The following FBXL20 variants were observed in gnomAD, a reference collection of about 807,000 sequenced individuals.
The protein encoded by FBXL20 is F-box/LRR-repeat protein 20.
FBXL20 carries 11 observed loss-of-function variants against 64.0 expected under a neutral mutation model. The ratio of observed to expected loss-of-function variants is 0.17; its 90% CI spans 0.11 to 0.28. FBXL20 has a LOEUF of 0.28. Ranked by LOEUF, FBXL20 falls within the 10% of genes least tolerant of loss-of-function variation. The pLI, the probability that FBXL20 is intolerant of heterozygous loss-of-function variation, is 1.00. For missense variants in FBXL20, 303 were observed against 526.2 expected (o/e 0.58, Z 4.15); for synonymous variants, 184 against 189.0 (o/e 0.97, Z 0.22).
chr17:39,365,994 A>AT (rs1161512986), intron 1 of FBXL20, among the ~76,000 whole-genome samples: 23 of 152,278 alleles, frequency 1.5e-4, no homozygotes, highest in African/African-American at 5.3e-4. Flanking sequence ...GGAATTTAAA[A>AT]AAATTTTTTT....
Position 39,316,233 on chromosome 17 carries a change from T to C in FBXL20, c.105-12594A>G, listed in dbSNP as rs1460571306. ...GTATTAATAGAAACATAGTTATCAA[T>C]ATATACAGATATAAACATACATGTA... On this transcript the variant is annotated intron_variant, in intron 2 of 14. Transcript: ENST00000264658. 3.3e-5 allele frequency among the ~76,000 whole-genome samples: 5 copies of C among 152,140 alleles called. No individual in the cohort carries two copies. In the East Asian group the frequency reaches 9.6e-4, roughly 29 times the overall value.
At chr17:39,358,996 C>T (rs1369165362) in intron 1 of FBXL20, among the ~76,000 whole-genome samples, 1 of 152,084 alleles carries the variant, frequency 6.6e-6, no homozygotes, top group Non-Finnish European at 1.5e-5. Context: ...CAAATCAAAA[C>T]CACAAGATAC....
chr17:39,402,128 C>G, upstream of FBXL20: 1 of 1,231,332 alleles, frequency 8.1e-7, no homozygotes, highest in Non-Finnish European at 1.0e-6. Flanking sequence ...CTGTAAGGCA[C>G]CCGCATCCTT....
intron 2 of FBXL20, among the ~76,000 whole-genome samples, chr17:39,317,637 G>C (rs2047306293): frequency 6.7e-6 from 1 of 148,740 alleles, no homozygotes. Context: ...AAAGGCCCCA[G>C]ATACATGTAG....
chr17:39,380,715 A>C (rs976331773), intron 1 of FBXL20, among the ~76,000 whole-genome samples: 1 of 152,206 alleles, frequency 6.6e-6, no homozygotes. Context: ...CCATTAGAGC[A>C]GGACTTTTTG....
intron 10 of FBXL20, among the ~76,000 whole-genome samples, chr17:39,273,895 A>G (rs1410888966): frequency 6.6e-6 from 1 of 151,498 alleles, no homozygotes; most frequent in East Asian, 1.9e-4. Flanking sequence ...TGTTATTGAG[A>G]AAGAGTCTCA....
chr17:39,387,051 G>C (rs912346186), intron 1 of FBXL20, among the ~76,000 whole-genome samples: 6 of 152,096 alleles, frequency 3.9e-5, no homozygotes, highest in African/African-American at 1.2e-4. Context: ...ACGTTACAAT[G>C]GTGTACACGT....
intron 1 of FBXL20, among the ~76,000 whole-genome samples, chr17:39,393,468 T>C (rs1379256501): frequency 6.6e-6 from 1 of 152,172 alleles, no homozygotes; most frequent in Non-Finnish European, 1.5e-5. Flanking sequence ...ATTGCCAACC[T>C]TCACTTCCAT....
chr17:39,375,450 A>C (rs191764935), intron 1 of FBXL20, among the ~76,000 whole-genome samples: 2 of 152,314 alleles, frequency 1.3e-5, no homozygotes, highest in East Asian at 3.9e-4. Context: ...AGTTAGATAG[A>C]AGATACAAGT....
intron 4 of FBXL20, 131 bp from the exon 5 acceptor site, chr17:39,299,215 G>A: frequency 1.6e-6 from 1 of 636,810 alleles, no homozygotes; most frequent in Non-Finnish European, 2.7e-6. Flanking sequence ...TAGGAAAATT[G>A]TAACTTACCC....
At chr17:39,323,100 G>A (rs911554442) in intron 2 of FBXL20, among the ~76,000 whole-genome samples, 1 of 151,982 alleles carries the variant, frequency 6.6e-6, no homozygotes, top group African/African-American at 2.4e-5. Context: ...CTCCCGAGTA[G>A]CTGAGACTAC....
intron 3 of FBXL20, among the ~76,000 whole-genome samples, chr17:39,302,963 G>A (rs1315109835): frequency 1.3e-5 from 2 of 151,744 alleles, no homozygotes; most frequent in African/African-American, 4.8e-5. Context: ...CCAGGGTAGA[G>A]TGCAGTGGTG....
intron 1 of FBXL20, among the ~76,000 whole-genome samples, chr17:39,370,389 T>C (rs2047904925): frequency 6.6e-6 from 1 of 150,772 alleles, no homozygotes; most frequent in South Asian, 2.1e-4. Flanking sequence ...TACTCAGGGG[T>C]TGAGGCAGAA....
intron 9 of FBXL20, 54 bp downstream of exon 9, chr17:39,281,335 A>C (rs1463044791): frequency 6.5e-7 from 1 of 1,534,482 alleles, no homozygotes; most frequent in Non-Finnish European, 9.0e-7. Flanking sequence ...AGCTCTTAAA[A>C]ATTTTAATGA....
rs559737588 is a variant in FBXL20 at position 39,254,344 on chromosome 17, G to A, written c.*7116C>T. The A allele has an allele frequency of 6.6e-6, 1 of 152,476 alleles. No homozygotes were observed. Among genetic ancestry groups the A allele is most frequent in the Non-Finnish European group, 1.5e-5 (1 of 68,044 alleles). The allele number at this position is 152,476 out of a possible 1,614,324, so 9.4% of individuals were successfully genotyped here. ...TTACAGGCGTGAGCCACCACGCCTGGCTGCAAAGTTTTCTTCTTCCAATTT... is the reference window on the plus strand; with the variant it reads ...TTACAGGCGTGAGCCACCACGCCTGACTGCAAAGTTTTCTTCTTCCAATTT... On this transcript the variant is annotated 3_prime_UTR_variant, in exon 15 of 15. Coordinates refer to ENST00000264658, the MANE Select transcript of FBXL20 (RefSeq NM_032875.3).
chr17:39,326,640 T>TG (rs1166450214), intron 2 of FBXL20, among the ~76,000 whole-genome samples: 1 of 151,370 alleles, frequency 6.6e-6, no homozygotes, highest in Non-Finnish European at 1.5e-5. Flanking sequence ...TTTTTAGAGA[T>TG]GGAGTCTTGC....
intron 2 of FBXL20, among the ~76,000 whole-genome samples, chr17:39,313,867 T>G (rs1243873255): frequency 6.6e-6 from 1 of 152,104 alleles, no homozygotes; most frequent in Non-Finnish European, 1.5e-5. Flanking sequence ...ACTCCCGACC[T>G]CAAGTGATCT....
At chr17:39,265,910 T>A (rs1340880514) in intron 12 of FBXL20, among the ~76,000 whole-genome samples, 1 of 151,638 alleles carries the variant, frequency 6.6e-6, no homozygotes, top group Admixed American at 6.6e-5. Flanking sequence ...GCCCAAGAAA[T>A]TTAAAACTTT....
At position 39,280,084 on chromosome 17, in the gene FBXL20, A is replaced by G. The variant is rs534259604; in HGVS notation, c.696+1305T>C. ...CCCATCCCTACTAAAAATACAAAAA[A>G]ATCAGCCAGGTGTGGTGACGGGCGC... On this transcript the variant is annotated intron_variant, in intron 9 of 14. Transcript: ENST00000264658. Among the ~76,000 whole-genome samples, 32 of 152,044 alleles carry G rather than the reference A, an allele frequency of 2.1e-4. No homozygotes were observed. The East Asian group carries it at 6.0e-3, about 29-fold the overall frequency.
Sources: allele counts gnomAD v4.1 joint callset (sites outside exome capture counted in the v4.1 genomes callset), GRCh38; gene constraint gnomAD v4.1.1; transcripts MANE v1.5; gene names NCBI Gene and HGNC (gene_info 2026-07-23, HGNC 2026-07-21).